PI15: variants seen among roughly 807,000 people sequenced by gnomAD.
PI15 encodes 25 kDa trypsin inhibitor.
PI15 carries 18 observed loss-of-function variants against 31.0 expected under a neutral mutation model. That is an observed-to-expected ratio of 0.58 (90% CI 0.40 to 0.86). PI15 has a LOEUF of 0.86. Ranked by LOEUF, PI15 falls within the 40% of genes least tolerant of loss-of-function variation. The pLI is 0.00. For missense variants in PI15, 282 were observed against 328.1 expected, an observed-to-expected ratio of 0.86 and a Z score of 1.09; for synonymous variants, 118 against 119.1, an observed-to-expected ratio of 0.99 and a Z score of 0.06.
chr8:74,847,918 G>T (rs561546749), intron 5 of PI15, among the ~76,000 whole-genome samples: 2 of 151,430 alleles, frequency 1.3e-5, no homozygotes, highest in Non-Finnish European at 1.5e-5. Context: ...ATTTTCTCCC[G>T]ACCATTTAAC....
intron 2 of PI15, among the ~76,000 whole-genome samples, chr8:74,843,661 C>T (rs1242206854): frequency 2.0e-5 from 3 of 152,052 alleles, no homozygotes; most frequent in South Asian, 2.1e-4. Flanking sequence ...GCTCGGAGTT[C>T]GTGACCGGCC....
In PI15 at chr8:74,845,368, G is replaced by A. The variant is rs759360526; in HGVS notation, c.526-14G>A. On this transcript the variant is annotated splice_polypyrimidine_tract_variant and intron_variant, in intron 4 of 5. Transcript: ENST00000260113. ...CTCTGACTTCTGTAACAGTTTATTG[G>A]TTTATTTTCACAGATGGTTTGGGCC... 1.2e-6 allele frequency: 2 copies of A among 1,604,136 alleles called. No homozygotes were observed. The highest frequency in any genetic ancestry group is 2.2e-5 in the South Asian group (2 of 90,864).
rs1586961141 is a variant in PI15 at position 74,851,708 on chromosome 8, C to T, written c.*2455C>T. 6.6e-6 allele frequency: 1 copy of T among 151,914 alleles called. No homozygotes were observed. Among genetic ancestry groups the T allele is most frequent in the African/African-American group, 2.4e-5 (1 of 41,464 alleles). The allele number at this position is 151,914 out of a possible 1,614,324, so 9.4% of individuals were successfully genotyped here. Reference sequence around the variant, plus strand: ...GAATTAACTAAGAAGCCAAAAATGGCAACAATTTACAGAAATCCCACCTTT... The same window carrying T: ...GAATTAACTAAGAAGCCAAAAATGGTAACAATTTACAGAAATCCCACCTTT... On this transcript the variant is annotated 3_prime_UTR_variant, in exon 6 of 6. Coordinates refer to ENST00000260113, the MANE Select transcript of PI15 (RefSeq NM_015886.5).
chr8:74,825,699 T>TCAGAGAGACAGAGAGGTC (rs1428478340), intron 2 of PI15, among the ~76,000 whole-genome samples, 177 bp downstream of exon 2: 1 of 151,944 alleles, frequency 6.6e-6, no homozygotes, highest in African/African-American at 2.4e-5. Flanking sequence ...CATCACAGAA[T>TCAGAGAGACAGAGAGGTC]CAGAGAGACA....
At chr8:74,838,057 T>G (rs954506696) in intron 2 of PI15, among the ~76,000 whole-genome samples, 16 of 152,142 alleles carry the variant, frequency 1.1e-4, no homozygotes, top group African/African-American at 3.6e-4. Context: ...CAAATTAAAT[T>G]TCTTAAACTG....
intron 2 of PI15, among the ~76,000 whole-genome samples, chr8:74,830,114 C>A (rs980010545): frequency 2.6e-5 from 4 of 152,010 alleles, no homozygotes; most frequent in Non-Finnish European, 5.9e-5. Context: ...GCCAATCCTT[C>A]AGGCAAAGAT....
intron 2 of PI15, among the ~76,000 whole-genome samples, chr8:74,827,480 C>T (rs1449485397): frequency 6.6e-6 from 1 of 152,090 alleles, no homozygotes; most frequent in Admixed American, 6.6e-5. Flanking sequence ...TTTCCATAGA[C>T]GATCTCATTT....
chr8:74,848,860 A>G (rs1320811576), intron 5 of PI15, among the ~76,000 whole-genome samples: 2 of 150,656 alleles, frequency 1.3e-5, no homozygotes, highest in African/African-American at 4.9e-5. Flanking sequence ...CAGCCTCCCC[A>G]GCAGCTGGGA....
chr8:74,841,366 G>T (rs1810942632), intron 2 of PI15, among the ~76,000 whole-genome samples: 1 of 152,110 alleles, frequency 6.6e-6, no homozygotes, highest in African/African-American at 2.4e-5. Context: ...AGATGAAAGG[G>T]ACCCTGGAGA....
At position 74,851,787 on chromosome 8, in the gene PI15, C is replaced by A. The variant is rs1312236406; in HGVS notation, c.*2534C>A. ...ATAAAGCTGTGATTATATCAAAAAT[C>A]CAGATAAATCATCAAATATATCAGA... On this transcript the variant is annotated 3_prime_UTR_variant, in exon 6 of 6. Transcript: ENST00000260113. The A allele has an allele frequency of 6.6e-6, 1 of 151,956 alleles. No individual in the cohort carries two copies. The highest frequency in any genetic ancestry group is 6.6e-5 in the Admixed American group (1 of 15,242). 9.4% of individuals were successfully genotyped at this position (151,956 alleles called of 1,614,324 possible).
At chr8:74,841,497 C>T (rs1810945225) in intron 2 of PI15, among the ~76,000 whole-genome samples, 1 of 152,126 alleles carries the variant, frequency 6.6e-6, no homozygotes, top group Admixed American at 6.6e-5. Context: ...TCCAGGTCAG[C>T]GCTATGTGTG....
intron 2 of PI15, among the ~76,000 whole-genome samples, chr8:74,830,335 T>C (rs1450675566): frequency 2.6e-5 from 4 of 152,180 alleles, no homozygotes; most frequent in African/African-American, 4.8e-5. Context: ...AATAACTATA[T>C]TGATAATACA....
chr8:74,854,550 G>A lies in PI15; in HGVS notation c.*5297G>A, dbSNP rs948068975. The stretch of plus-strand genomic sequence containing the variant: ...TCAGCTAATAAAAAAAAAATTTGAG[G>A]GCCTAAATTATTTCAATGGTTGTTT... On this transcript the variant is annotated 3_prime_UTR_variant, in exon 6 of 6. Coordinates refer to ENST00000260113, the MANE Select transcript of PI15 (RefSeq NM_015886.5). The A allele has an allele frequency of 1.3e-5, 2 of 151,692 alleles. No homozygotes were observed. Among genetic ancestry groups the A allele is most frequent in the African/African-American group, 4.8e-5 (2 of 41,314 alleles). 9.4% of individuals were successfully genotyped at this position (151,692 alleles called of 1,614,324 possible). A position where few individuals can be genotyped will look rare whatever the true frequency, so the allele number is the denominator to read the frequency against.
At position 74,849,553 on chromosome 8, in the gene PI15, G is replaced by A. The variant is rs1360215104; in HGVS notation, c.*300G>A. 4.2e-6 allele frequency: 1 copy of A among 238,850 alleles called. No individual in the cohort carries two copies. The highest frequency in any genetic ancestry group is 5.3e-5 in the Admixed American group (1 of 18,826). The allele number at this position is 238,850 out of a possible 1,614,324, so 14.8% of individuals were successfully genotyped here. ...CATTCCAAAGGAATTATATCATTAT[G>A]TTCCTAAGGAGTAAATATATATTTG... is the stretch of plus-strand genomic sequence containing the variant. On this transcript the variant is annotated 3_prime_UTR_variant, in exon 6 of 6. Coordinates refer to ENST00000260113, the MANE Select transcript of PI15 (RefSeq NM_015886.5).
chr8:74,833,882 C>G (rs993814062), intron 2 of PI15, among the ~76,000 whole-genome samples: 1 of 152,218 alleles, frequency 6.6e-6, no homozygotes, highest in Admixed American at 6.5e-5. Flanking sequence ...CAGTGCCCAT[C>G]TGTGGCCTGT....
chr8:74,832,893 G>T (rs1254814800), intron 2 of PI15, among the ~76,000 whole-genome samples: 1 of 152,080 alleles, frequency 6.6e-6, no homozygotes. Flanking sequence ...AACTGAAGTA[G>T]TCCAAAAGTG....
At chr8:74,844,124 G>C in intron 3 of PI15, 25 bp downstream of exon 3, 1 of 970,428 alleles carries the variant, frequency 1.0e-6, no homozygotes, top group South Asian at 1.3e-5. Flanking sequence ...CACTGATGCA[G>C]TTCATCCACA....
Position 74,852,055 on chromosome 8 carries a change from G to C in PI15, c.*2802G>C, listed in dbSNP as rs1811115766. On this transcript the variant is annotated 3_prime_UTR_variant, in exon 6 of 6. Transcript: ENST00000260113. ...CATATTTTTCACAGCATGCAACAAT[G>C]GTGCTAGGATAGCTATTTCTTACTG... The C allele has an allele frequency of 6.6e-6, 1 of 152,488 alleles. No individual in the cohort carries two copies. The allele number at this position is 152,488 out of a possible 1,614,324, so 9.4% of individuals were successfully genotyped here.
Position 74,845,219 on chromosome 8 carries a change from C to T in PI15, c.484C>T (p.Pro162Ser). ...PYPQDCNPRC[P>S]MRCFGPMCTH... is the part of the protein sequence containing the mutation. ...TCCCCAGGATTGCAACCCCAGATGT[C>T]CTATGAGATGTTTTGGTCCCATGTG... The change falls in exon 4 of 6, where the codon CCT (proline) becomes TCT (serine). Residue 162 changes from proline to serine, a missense_variant. By Grantham distance (74) the Pro-to-Ser change is moderately conservative (BLOSUM62 -1). Transcript: ENST00000260113. The T allele has an allele frequency of 1.9e-6, 3 of 1,613,342 alleles. No individual in the cohort carries two copies. Among genetic ancestry groups the T allele is most frequent in the African/African-American group, 1.3e-5 (1 of 74,994 alleles).
Sources: gnomAD v4.1 joint callset for allele counts (sites outside exome capture counted in the v4.1 genomes callset) on GRCh38, gnomAD v4.1.1 for gene constraint, MANE v1.5 for transcripts, NCBI Gene and HGNC (gene_info 2026-07-23, HGNC 2026-07-21) for gene names.